Variants in MXRA7 observed in about 807,000 individuals in gnomAD.
MXRA7 encodes the protein matrix-remodeling-associated protein 7.
A neutral mutation model predicts 17.4 loss-of-function variants in MXRA7; 18 were observed. The ratio of observed to expected loss-of-function variants is 1.03; its 90% CI spans 0.71 to 1.53. The LOEUF (loss-of-function observed/expected upper bound fraction) is 1.53. Ranked by LOEUF, MXRA7 falls within the 40% of genes most tolerant of loss-of-function variation. MXRA7 has a pLI of 0.00. For missense variants in MXRA7, 141 were observed against 209.3 expected (o/e 0.67, Z 2.01); for synonymous variants, 70 against 101.7 (o/e 0.69, Z 1.87).
chr17:76,675,488 G>A (rs573707775), downstream of MXRA7: 14 of 142,248 alleles, frequency 9.8e-5, no homozygotes, highest in African/African-American at 3.2e-4. Context: ...TCCGCCTTCT[G>A]AGTTCAAGCG....
chr17:76,676,041 C>A (rs2076238547), downstream of MXRA7: 1 of 152,200 alleles, frequency 6.6e-6, no homozygotes, highest in Non-Finnish European at 1.5e-5. Context: ...AATTGTCCTG[C>A]CAGTGGGGTG....
chr17:76,710,912 G>C lies in MXRA7; in HGVS notation c.35C>G (p.Pro12Arg). 1.0e-6 allele frequency: 1 copy of C among 1,001,494 alleles called. No individual in the cohort carries two copies. Among genetic ancestry groups the C allele is most frequent in the Non-Finnish European group, 1.2e-6 (1 of 843,154 alleles). The allele number at this position is 1,001,494 out of a possible 1,614,324, so 62.0% of individuals were successfully genotyped here. A position where few individuals can be genotyped will look rare whatever the true frequency, so the allele number is the denominator to read the frequency against. The change falls in exon 1 of 4, where the codon CCT becomes CGT. Residue 12 changes from proline (P) to arginine (R), a missense_variant. By Grantham distance (103) the Pro-to-Arg change is moderately radical. Coordinates refer to ENST00000449428, the MANE Select transcript of MXRA7 (RefSeq NM_198530.4). ...EAPAELLAAL[P>R]ALATALALLL... ...AAGGGCCAGCGCGGTGGCCAGCGCAGGCAGCGCGGCCAGTAGCTCGGCCGG... is the reference window on the plus strand; with the variant it reads ...AAGGGCCAGCGCGGTGGCCAGCGCACGCAGCGCGGCCAGTAGCTCGGCCGG...
chr17:76,706,399 C>T (rs1252179561), intron 1 of MXRA7, among the ~76,000 whole-genome samples: 2 of 149,966 alleles, frequency 1.3e-5, no homozygotes, highest in African/African-American at 2.5e-5. Flanking sequence ...GCCCACGCTG[C>T]CGTCACAGAG....
intron 1 of MXRA7, among the ~76,000 whole-genome samples, chr17:76,695,378 G>GTGTGTT (rs2076523207): frequency 6.6e-6 from 1 of 151,406 alleles, no homozygotes; most frequent in Non-Finnish European, 1.5e-5. Flanking sequence ...GTGTGTGTGT[G>GTGTGTT]CAACGGGATG....
intron 1 of MXRA7, among the ~76,000 whole-genome samples, chr17:76,697,938 A>AG (rs367682646): frequency 0.01 from 1,466 of 144,350 alleles, 21 homozygotes; most frequent in African/African-American, 0.035. Context: ...AGGCGGGGGG[A>AG]GGGGAGAGAG....
At chr17:76,694,468 T>C (rs745434407) in intron 1 of MXRA7, among the ~76,000 whole-genome samples, 6 of 152,182 alleles carry the variant, frequency 3.9e-5, no homozygotes, top group Admixed American at 6.5e-5. Flanking sequence ...CTGCACCTCA[T>C]AGAGGCATCC....
At chr17:76,706,926 T>TAC (rs971730746) in intron 1 of MXRA7, among the ~76,000 whole-genome samples, 2 of 152,044 alleles carry the variant, frequency 1.3e-5, no homozygotes, top group African/African-American at 4.8e-5. Flanking sequence ...TCTCTCTCTA[T>TAC]ACACACACAC....
chr17:76,703,401 T>C (rs1019396159), intron 1 of MXRA7, among the ~76,000 whole-genome samples: 1 of 152,120 alleles, frequency 6.6e-6, no homozygotes, highest in Admixed American at 6.6e-5. Flanking sequence ...GCTGGCAGAC[T>C]GCTTGAGCTC....
rs1432152768 is a variant in MXRA7 at position 76,710,715 on chromosome 17, C to A, written c.232G>T (p.Ala78Ser). Residue 78 changes from alanine (A) to serine (S), a missense_variant, in exon 1 of 4, where the codon GCG becomes TCG. This residue lies in a region of MXRA7 where 72 missense variants were observed against 111.9 expected (regional missense o/e 0.64). Coordinates refer to ENST00000449428, the MANE Select transcript of MXRA7 (RefSeq NM_198530.4). ...PAGPEEPGEP[A>S]GLGELGEPAG... ...GGCTCCCCGAGCTCCCCCAGCCCCG[C>A]GGGCTCTCCAGGCTCCTCCGGCCCC... 12 of 1,190,866 alleles carry A rather than the reference C, an allele frequency of 1.0e-5. No homozygotes were observed. The East Asian group carries it at 4.3e-4, about 43-fold the overall frequency. 73.8% of individuals were successfully genotyped at this position (1,190,866 alleles called of 1,614,324 possible).
At chr17:76,678,545 T>C (rs2076259421), downstream of MXRA7, among the ~76,000 whole-genome samples, 1 of 152,184 alleles carries the variant, frequency 6.6e-6, no homozygotes. Flanking sequence ...AGCCGGGCAC[T>C]GCATCCTGGC....
At chr17:76,690,978 C>T (rs2143634523) in intron 1 of MXRA7, among the ~76,000 whole-genome samples, 1 of 152,256 alleles carries the variant, frequency 6.6e-6, no homozygotes, top group East Asian at 1.9e-4. Context: ...GCACAGAGCT[C>T]CTAAGTCCGT....
intron 1 of MXRA7, among the ~76,000 whole-genome samples, chr17:76,691,242 G>C (rs1282575530): frequency 6.6e-6 from 1 of 152,222 alleles, no homozygotes; most frequent in African/African-American, 2.4e-5. Flanking sequence ...CCGTGCGCAG[G>C]GGGTAGCGTA....
At chr17:76,682,210 C>T (rs1228999796) in intron 3 of MXRA7, among the ~76,000 whole-genome samples, 1 of 152,108 alleles carries the variant, frequency 6.6e-6, no homozygotes, top group Non-Finnish European at 1.5e-5. Context: ...CTGGGGAGTG[C>T]TGGAACTGGC....
intron 1 of MXRA7, among the ~76,000 whole-genome samples, chr17:76,696,506 G>T (rs2076533981): frequency 6.6e-6 from 1 of 151,904 alleles, no homozygotes; most frequent in African/African-American, 2.4e-5. Flanking sequence ...AGTGACAGTG[G>T]GAGACCCTGC....
downstream of MXRA7, chr17:76,677,295 C>CAAAG (rs1037431185): frequency 3.7e-5 from 10 of 268,676 alleles, no homozygotes; most frequent in African/African-American, 2.2e-4. Context: ...CCATCTCAAA[C>CAAAG]AAACAAAAAA....
intron 3 of MXRA7, 28 bp downstream of exon 3, chr17:76,685,044 A>C: frequency 2.5e-6 from 4 of 1,578,880 alleles, no homozygotes; most frequent in Non-Finnish European, 3.5e-6. Context: ...AGAGCCCGCC[A>C]GGCGCCAGCG....
At chr17:76,673,467 C>T (rs2076217441) in exon 4 of MXRA7, 1 of 152,196 alleles carries the variant, frequency 6.6e-6, no homozygotes, top group African/African-American at 2.4e-5. Context: ...AGCCTGATTC[C>T]ATGTGGACTA....
At chr17:76,691,256 C>G (rs974140156) in intron 1 of MXRA7, among the ~76,000 whole-genome samples, 1 of 152,218 alleles carries the variant, frequency 6.6e-6, no homozygotes, top group Non-Finnish European at 1.5e-5. Context: ...TAGCGTACCC[C>G]AACTCCATGG....
intron 1 of MXRA7, among the ~76,000 whole-genome samples, chr17:76,695,702 A>G (rs2076527070): frequency 6.6e-6 from 1 of 152,190 alleles, no homozygotes. Flanking sequence ...CAGAGTGCAC[A>G]GCCCATGTAA....
Sources: allele counts gnomAD v4.1 joint callset (sites outside exome capture counted in the v4.1 genomes callset), GRCh38; gene constraint gnomAD v4.1.1; regional missense constraint gnomAD v4.1.1; transcripts MANE v1.5; gene names NCBI Gene and HGNC (gene_info 2026-07-23, HGNC 2026-07-21).